The following DHRSX variants were observed in gnomAD, a reference collection of about 807,000 sequenced individuals.
DHRSX encodes the protein dehydrogenase/reductase X-linked, also known as polyprenol dehydrogenase.
In DHRSX, 31 loss-of-function variants were observed where a neutral mutation model predicts 34.0. That is an observed-to-expected ratio of 0.91 (90% confidence interval 0.69 to 1.23). The LOEUF (loss-of-function observed/expected upper bound fraction) is 1.23, where lower values mean the gene tolerates loss of function less well. Ranked by LOEUF, DHRSX falls within the 50% of genes most tolerant of loss-of-function variation. DHRSX has a pLI of 0.00. For missense variants in DHRSX, 414 were observed against 428.1 expected (o/e 0.97, Z 0.29); for synonymous variants, 201 against 183.8 (o/e 1.09, Z -0.76).
rs2042855182 is a variant in DHRSX, at chrX:2,356,585, A to T, written c.286+52160T>A. Among the ~76,000 whole-genome samples, 3 of 152,266 alleles carry T rather than the reference A, an allele frequency of 2.0e-5. 1 individual carries two copies. The South Asian group carries it at 6.2e-4, about 32-fold the overall frequency. ...AGAAAGAGACACAGAAACATAGTTG[A>T]TCCTTCACAGGTTTGGACTGTACAG... On this transcript the variant is annotated intron_variant, in intron 3 of 6. Transcript: ENST00000334651.
intron 6 of DHRSX, among the ~76,000 whole-genome samples, chrX:2,233,502 C>T (rs1223463267): frequency 2.6e-5 from 4 of 152,014 alleles, no homozygotes; most frequent in African/African-American, 4.8e-5. Context: ...AAGTTCCAGA[C>T]GCCCGGCTGG....
intron 1 of DHRSX, chrX:2,488,019 C>T (rs1180774459): frequency 6.6e-6 from 1 of 151,772 alleles, no homozygotes; most frequent in African/African-American, 2.4e-5. Flanking sequence ...GAACTCGAAT[C>T]AGACATGGTG....
At chrX:2,355,233 C>T (rs1304887141) in intron 3 of DHRSX, among the ~76,000 whole-genome samples, 4 of 152,118 alleles carry the variant, frequency 2.6e-5, no homozygotes, top group African/African-American at 9.6e-5. Flanking sequence ...ATTATCAGGC[C>T]GGGCACAATG....
intron 3 of DHRSX, among the ~76,000 whole-genome samples, chrX:2,398,888 T>C (rs1177886584): frequency 6.6e-6 from 1 of 152,102 alleles, no homozygotes; most frequent in Non-Finnish European, 1.5e-5. Context: ...TGTCTCGCTC[T>C]GTCGCCCAGG....
intron 3 of DHRSX, 120 bp downstream of exon 3, chrX:2,408,625 A>G (rs2043588264): frequency 3.5e-6 from 3 of 850,312 alleles, no homozygotes; most frequent in Admixed American, 2.7e-5. Flanking sequence ...TGCAAAAATC[A>G]GAGCCATCTC....
chrX:2,368,849 C>CA (rs1211110016), intron 3 of DHRSX, among the ~76,000 whole-genome samples: 2 of 151,932 alleles, frequency 1.3e-5, no homozygotes, highest in Non-Finnish European at 2.9e-5. Context: ...GACTCTGTCT[C>CA]AAAAAAATAA....
intron 3 of DHRSX, among the ~76,000 whole-genome samples, chrX:2,381,967 T>C (rs1208048643): frequency 6.6e-6 from 1 of 152,122 alleles, no homozygotes; most frequent in Non-Finnish European, 1.5e-5. Flanking sequence ...GCAAGCTACA[T>C]GGCTTCGTAG....
chrX:2,311,645 A>G (rs2042166681), intron 3 of DHRSX, among the ~76,000 whole-genome samples: 2 of 152,292 alleles, frequency 1.3e-5, no homozygotes, highest in Admixed American at 1.3e-4. Flanking sequence ...GGCACTACCC[A>G]AGGGCGAGAA....
intron 5 of DHRSX, among the ~76,000 whole-genome samples, chrX:2,255,445 C>T (rs1222968019): frequency 2.0e-5 from 3 of 152,052 alleles, no homozygotes; most frequent in African/African-American, 4.8e-5. Flanking sequence ...GATGATTTCA[C>T]GGGATGTGAA....
At chrX:2,475,028 C>A (rs2044655609) in intron 1 of DHRSX, among the ~76,000 whole-genome samples, 1 of 151,836 alleles carries the variant, frequency 6.6e-6, no homozygotes, top group South Asian at 2.1e-4. Flanking sequence ...CAAAGAACTG[C>A]CACCATGTAT....
intron 3 of DHRSX, among the ~76,000 whole-genome samples, chrX:2,384,505 G>C (rs2043247717): frequency 6.6e-6 from 1 of 152,148 alleles, no homozygotes; most frequent in Non-Finnish European, 1.5e-5. Context: ...GTAGGTCTTG[G>C]AGAAAGCAAA....
At chrX:2,313,288 A>G (rs1422604628) in intron 3 of DHRSX, among the ~76,000 whole-genome samples, 1 of 151,984 alleles carries the variant, frequency 6.6e-6, no homozygotes. Context: ...GATTACAGGC[A>G]TGAGCCACCG....
At chrX:2,339,392 G>C (rs1247669144) in intron 3 of DHRSX, among the ~76,000 whole-genome samples, 1 of 152,030 alleles carries the variant, frequency 6.6e-6, no homozygotes, top group Non-Finnish European at 1.5e-5. Context: ...GCTCGCCTCA[G>C]CCTCCCAAAC....
chrX:2,238,633 G>A (rs1021702466), intron 6 of DHRSX, among the ~76,000 whole-genome samples: 1 of 150,990 alleles, frequency 6.6e-6, no homozygotes, highest in Non-Finnish European at 1.5e-5. Flanking sequence ...ACCCAGGCTG[G>A]AGTGCAATGG....
intron 1 of DHRSX, among the ~76,000 whole-genome samples, chrX:2,497,327 A>C (rs1569350781): frequency 6.6e-6 from 1 of 151,996 alleles, no homozygotes; most frequent in East Asian, 2.0e-4. Flanking sequence ...CGGGAGGCAG[A>C]GGTTGTGGTG....
chrX:2,249,924 G>A (rs1200581895), intron 5 of DHRSX, among the ~76,000 whole-genome samples: 8 of 151,832 alleles, frequency 5.3e-5, no homozygotes, highest in Admixed American at 3.9e-4. Flanking sequence ...AGGACTTTGG[G>A]AGGCCAAGGC....
intron 3 of DHRSX, among the ~76,000 whole-genome samples, chrX:2,305,777 G>C (rs2042090391): frequency 6.6e-6 from 1 of 151,214 alleles, no homozygotes; most frequent in Admixed American, 6.6e-5. Flanking sequence ...ACTCTTAAGT[G>C]GGAGTTGAGC....
rs188260084 is a variant in DHRSX at position 2,476,351 on chromosome X, T to C, written c.109+24466A>G. ...AGATGTTGGCTGCAGTGAGCCAAGATTGAGCCATTGCACTCCAGCCTTGGC... is the reference window on the plus strand; with the variant it reads ...AGATGTTGGCTGCAGTGAGCCAAGACTGAGCCATTGCACTCCAGCCTTGGC... On this transcript the variant is annotated intron_variant, in intron 1 of 6. Transcript: ENST00000334651. Among the ~76,000 whole-genome samples, 911 of 151,642 alleles carry C rather than the reference T, an allele frequency of 6.0e-3. 8 individuals are homozygous for C. Among genetic ancestry groups the C allele is most frequent in the Middle Eastern group, 0.01 (3 of 294 alleles).
At chrX:2,285,559 T>G (rs1389453663) in intron 4 of DHRSX, among the ~76,000 whole-genome samples, 1 of 152,120 alleles carries the variant, frequency 6.6e-6, no homozygotes, top group Non-Finnish European at 1.5e-5. Flanking sequence ...AAGCTTTGCT[T>G]GTTCACTTGC....
Sources: allele counts gnomAD v4.1 joint callset (sites outside exome capture counted in the v4.1 genomes callset), GRCh38; gene constraint gnomAD v4.1.1; transcripts MANE v1.5; gene names NCBI Gene and HGNC (gene_info 2026-07-23, HGNC 2026-07-21).